The following DIAPH3 variants were observed in gnomAD, a reference collection of about 807,000 sequenced individuals.
The protein encoded by DIAPH3 is diaphanous related formin 3.
Under a neutral mutation model 144.3 loss-of-function variants are expected in DIAPH3, and 117 were observed. The ratio of observed to expected loss-of-function variants is 0.81; its 90% CI spans 0.70 to 0.95. The LOEUF (loss-of-function observed/expected upper bound fraction) is 0.95, where lower values mean the gene tolerates loss of function less well. Among genes scored for constraint, DIAPH3 ranks in the 40% least tolerant of loss-of-function variants. The probability of loss-of-function intolerance (pLI) is 0.00; values close to 1 mark genes in which losing one functional copy is unlikely to be tolerated. For missense variants in DIAPH3, 1,421 were observed against 1,412.7 expected (o/e 1.01, Z -0.09); for synonymous variants, 519 against 488.9 (o/e 1.06, Z -0.81).
In DIAPH3 at chr13:59,999,491, A is replaced by G. The variant is rs927782278; in HGVS notation, c.1015-6908T>C. Among the ~76,000 whole-genome samples, 3 of 152,254 alleles carry G rather than the reference A, an allele frequency of 2.0e-5. No individual in the cohort carries two copies. In the East Asian group the frequency reaches 5.8e-4, roughly 29 times the overall value. On this transcript the variant is annotated intron_variant, in intron 9 of 27. Transcript: ENST00000400324. The stretch of plus-strand genomic sequence containing the variant: ...ATCTTTGCAGCAGCCATAACAATGC[A>G]ACTCTCAGTCTTTGACTGCAGGAAA...
chr13:59,828,369 T>C (rs1429603325), intron 24 of DIAPH3, among the ~76,000 whole-genome samples: 1 of 151,914 alleles, frequency 6.6e-6, no homozygotes, highest in Non-Finnish European at 1.5e-5. Flanking sequence ...AAATAGACAA[T>C]TATTATACCC....
chr13:59,830,107 G>A (rs1391964204), intron 24 of DIAPH3, among the ~76,000 whole-genome samples: 4 of 151,720 alleles, frequency 2.6e-5, no homozygotes, highest in Admixed American at 6.6e-5. Context: ...TAAGATTTCC[G>A]TAGTGACTCA....
At chr13:59,697,286 C>T (rs1325504591) in intron 27 of DIAPH3, among the ~76,000 whole-genome samples, 3 of 150,878 alleles carry the variant, frequency 2.0e-5, no homozygotes, top group Admixed American at 6.6e-5. Context: ...GGTGAAACCC[C>T]GTCTCTACTA....
intron 25 of DIAPH3, among the ~76,000 whole-genome samples, chr13:59,799,530 CCTAA>C (rs2039795583): frequency 6.6e-6 from 1 of 152,086 alleles, no homozygotes; most frequent in Non-Finnish European, 1.5e-5. Flanking sequence ...AACTTGCTGT[CCTAA>C]CTATGAAATT....
Position 60,042,819 on chromosome 13 carries a change from C to CTTTTGA in DIAPH3, c.496_497insTCAAAA (p.Gly166delinsValLysArg). ...GATCTGTCGGCTTCTCTTAAGACTT[C>CTTTTGA]CCTATAAAATAAGTCAAAAAATGTT... On this transcript the variant is annotated protein_altering_variant and splice_region_variant, in exon 5 of 28. Coordinates refer to ENST00000400324, the MANE Select transcript of DIAPH3 (RefSeq NM_001042517.2). 6.2e-7 allele frequency: 1 copy of CTTTTGA among 1,613,140 alleles called. No homozygotes were observed. The highest frequency in any genetic ancestry group is 1.7e-5 in the Admixed American group (1 of 59,980).
At chr13:60,036,790 C>T (rs2055263465) in intron 5 of DIAPH3, among the ~76,000 whole-genome samples, 1 of 151,726 alleles carries the variant, frequency 6.6e-6, no homozygotes, top group African/African-American at 2.4e-5. Flanking sequence ...AAAAACATAT[C>T]CAGAATGGAG....
At chr13:59,750,863 A>G (rs2036971197) in intron 27 of DIAPH3, among the ~76,000 whole-genome samples, 1 of 152,202 alleles carries the variant, frequency 6.6e-6, no homozygotes, top group Non-Finnish European at 1.5e-5. Context: ...TGTCAAATTA[A>G]TCTCCATGTC....
At chr13:59,708,962 C>T (rs2034577613) in intron 27 of DIAPH3, among the ~76,000 whole-genome samples, 1 of 152,030 alleles carries the variant, frequency 6.6e-6, no homozygotes, top group South Asian at 2.1e-4. Flanking sequence ...GGTATCAGGA[C>T]TATAAAGATG....
At chr13:60,103,910 C>T (rs890508188) in intron 3 of DIAPH3, among the ~76,000 whole-genome samples, 7 of 152,088 alleles carry the variant, frequency 4.6e-5, no homozygotes, top group Non-Finnish European at 1.0e-4. Context: ...CAATATCAAA[C>T]GGTCAAGCTT....
At position 60,059,083 on chromosome 13, in the gene DIAPH3, T is replaced by C. The variant is rs542850197; in HGVS notation, c.496-16263A>G. Among the ~76,000 whole-genome samples the C allele has an allele frequency of 1.9e-4, 29 of 151,960 alleles. No individual in the cohort carries two copies. The South Asian group carries it at 6.0e-3, about 32-fold the overall frequency. Reference sequence around the variant, plus strand: ...GTTAATATGTATAAAAAGTATGACTTACATGTTCTATATATGTATTAGATG... The same window carrying C: ...GTTAATATGTATAAAAAGTATGACTCACATGTTCTATATATGTATTAGATG... On this transcript the variant is annotated intron_variant, in intron 4 of 27. Coordinates refer to ENST00000400324, the MANE Select transcript of DIAPH3 (RefSeq NM_001042517.2).
chr13:60,017,096 CA>C (rs1193668077), intron 5 of DIAPH3, among the ~76,000 whole-genome samples: 1 of 152,028 alleles, frequency 6.6e-6, no homozygotes, highest in African/African-American at 2.4e-5. Flanking sequence ...ACTGTTTGAA[CA>C]GTAAGATGTT....
intron 21 of DIAPH3, among the ~76,000 whole-genome samples, chr13:59,868,303 G>T (rs1302138893): frequency 9.2e-5 from 14 of 152,108 alleles, no homozygotes; most frequent in Admixed American, 9.2e-4. Flanking sequence ...ACAAAAATTG[G>T]AGTAAGTGCT....
At chr13:59,760,887 A>T (rs1488869914) in intron 27 of DIAPH3, among the ~76,000 whole-genome samples, 6 of 152,190 alleles carry the variant, frequency 3.9e-5, no homozygotes, top group Non-Finnish European at 8.8e-5. Context: ...AAGAGGTTTG[A>T]CTAATAGAAG....
At chr13:60,007,326 C>T (rs2052941952) in intron 9 of DIAPH3, among the ~76,000 whole-genome samples, 1 of 152,222 alleles carries the variant, frequency 6.6e-6, no homozygotes, top group South Asian at 2.1e-4. Context: ...GCTAGGATTA[C>T]AGGCATGAGC....
chr13:59,813,438 G>T (rs147551744), intron 24 of DIAPH3, among the ~76,000 whole-genome samples: 2 of 152,026 alleles, frequency 1.3e-5, no homozygotes, highest in African/African-American at 4.8e-5. Flanking sequence ...TGTAATAAAA[G>T]TAGTAAGAGG....
At chr13:59,713,363 T>C (rs2034854376) in intron 27 of DIAPH3, among the ~76,000 whole-genome samples, 1 of 152,204 alleles carries the variant, frequency 6.6e-6, no homozygotes, top group Admixed American at 6.5e-5. Context: ...TGGCACAGTC[T>C]GTTTTTTGAA....
rs59987412 is a variant in DIAPH3 at position 59,729,810 on chromosome 13, ATTT to A, written c.3319+44376_3319+44378del. Among the ~76,000 whole-genome samples the A allele has an allele frequency of 1.1e-3, 143 of 134,252 alleles. 3 individuals carry two copies. The highest frequency in any genetic ancestry group is 4.1e-3 in the African/African-American group (133 of 32,644). 88.1% of individuals were successfully genotyped at this position (134,252 alleles called of 152,430 possible). A position where few individuals can be genotyped will look rare whatever the true frequency, so the allele number is the denominator to read the frequency against. ...TGTGACTTCCGGTGAATACATTAATATTTTTTTTTTTTTTTTTTTGAGATAGGG... is the reference window on the plus strand; with the variant it reads ...TGTGACTTCCGGTGAATACATTAATATTTTTTTTTTTTTTTTGAGATAGGG... On this transcript the variant is annotated intron_variant, in intron 27 of 27. Coordinates refer to ENST00000400324, the MANE Select transcript of DIAPH3 (RefSeq NM_001042517.2).
chr13:60,059,877 C>G (rs1400338573), intron 4 of DIAPH3, among the ~76,000 whole-genome samples: 1 of 151,906 alleles, frequency 6.6e-6, no homozygotes, highest in African/African-American at 2.4e-5. Flanking sequence ...AAAGAAAAGC[C>G]ACAACAAAAC....
intron 4 of DIAPH3, among the ~76,000 whole-genome samples, chr13:60,081,300 T>A (rs910674419): frequency 7.2e-5 from 11 of 152,028 alleles, no homozygotes; most frequent in African/African-American, 2.7e-4. Flanking sequence ...TATTTGTAGG[T>A]CATGGACCAT....
Sources: allele counts gnomAD v4.1 joint callset (sites outside exome capture counted in the v4.1 genomes callset), GRCh38; gene constraint gnomAD v4.1.1; transcripts MANE v1.5; gene names NCBI Gene and HGNC (gene_info 2026-07-23, HGNC 2026-07-21).